ERBB4: variants seen among roughly 807,000 people sequenced by gnomAD.
ERBB4 encodes erb-b2 receptor tyrosine kinase 4.
In ERBB4, 42 loss-of-function variants were observed where a neutral mutation model predicts 158.0. The ratio of observed to expected loss-of-function variants is 0.27; its 90% CI spans 0.21 to 0.34. The LOEUF is 0.34. Ranked by LOEUF, ERBB4 falls within the 10% of genes least tolerant of loss-of-function variation. The pLI is 1.00. For missense variants in ERBB4, 1,333 were observed against 1,624.1 expected (o/e 0.82, Z 3.08); for synonymous variants, 583 against 558.7 (o/e 1.04, Z -0.61).
intron 3 of ERBB4, among the ~76,000 whole-genome samples, chr2:211,874,045 G>A (rs2078429050): frequency 6.6e-6 from 1 of 152,010 alleles, no homozygotes; most frequent in East Asian, 1.9e-4. Flanking sequence ...TGCACCTGTA[G>A]TCCCAGCTAC....
At chr2:212,397,298 A>G (rs1009091647) in intron 1 of ERBB4, among the ~76,000 whole-genome samples, 2 of 152,008 alleles carry the variant, frequency 1.3e-5, no homozygotes, top group African/African-American at 4.8e-5. Context: ...AACATGGTGA[A>G]ACCCACTCTC....
At position 211,448,164 on chromosome 2, in the gene ERBB4, G is replaced by C. The variant is rs1439808165; in HGVS notation, c.2488-17064C>G. Among the ~76,000 whole-genome samples, 6 of 151,978 alleles carry C rather than the reference G, an allele frequency of 3.9e-5. No homozygotes were observed. In the East Asian group the frequency reaches 1.2e-3, roughly 29 times the overall value. On this transcript the variant is annotated intron_variant, in intron 20 of 27. Coordinates refer to ENST00000342788, the MANE Select transcript of ERBB4 (RefSeq NM_005235.3). Reference sequence around the variant, plus strand: ...ATTTTTATATTTTTTGTAGAGACAGGGTTTCTCCACGTTGGCCAGACTAGT... The same window carrying C: ...ATTTTTATATTTTTTGTAGAGACAGCGTTTCTCCACGTTGGCCAGACTAGT...
chr2:212,019,065 G>A (rs754917429), intron 2 of ERBB4, among the ~76,000 whole-genome samples: 18 of 152,052 alleles, frequency 1.2e-4, no homozygotes, highest in Admixed American at 8.5e-4. Flanking sequence ...AAGAAGCCTG[G>A]TTGATGTAGT....
intron 1 of ERBB4, among the ~76,000 whole-genome samples, chr2:212,153,244 A>C (rs2080927598): frequency 6.6e-6 from 1 of 152,190 alleles, no homozygotes; most frequent in African/African-American, 2.4e-5. Context: ...TTTCTCATCC[A>C]GGTTCCCTGT....
intron 12 of ERBB4, among the ~76,000 whole-genome samples, chr2:211,684,491 A>C (rs2072484081): frequency 6.6e-6 from 1 of 152,092 alleles, no homozygotes; most frequent in Non-Finnish European, 1.5e-5. Context: ...AAAGAAGAAA[A>C]GAAAAGAAAC....
intron 1 of ERBB4, among the ~76,000 whole-genome samples, chr2:212,455,040 A>T: frequency 6.6e-6 from 1 of 152,208 alleles, no homozygotes; most frequent in Non-Finnish European, 1.5e-5. Context: ...AATTTGATCC[A>T]AATCAAATAG....
At chr2:211,632,386 T>C (rs2070176235) in intron 16 of ERBB4, among the ~76,000 whole-genome samples, 1 of 152,082 alleles carries the variant, frequency 6.6e-6, no homozygotes, top group Non-Finnish European at 1.5e-5. Context: ...AAGTCACTGT[T>C]ATTGAAAGGG....
intron 1 of ERBB4, among the ~76,000 whole-genome samples, chr2:212,329,308 T>C (rs1013378860): frequency 6.6e-6 from 1 of 152,062 alleles, no homozygotes. Flanking sequence ...ATGTCATTTA[T>C]AGGATTTTCT....
chr2:211,811,990 A>G (rs890974064), intron 3 of ERBB4, among the ~76,000 whole-genome samples: 1 of 151,962 alleles, frequency 6.6e-6, no homozygotes, highest in East Asian at 1.9e-4. Context: ...TAGCATGGAG[A>G]AGTTTGTTAT....
intron 2 of ERBB4, among the ~76,000 whole-genome samples, chr2:212,009,472 A>G (rs2125302295): frequency 6.6e-6 from 1 of 151,916 alleles, no homozygotes. Context: ...AAGAAGCAAC[A>G]CTTTGATTTT....
At chr2:211,919,021 G>A (rs1004698484) in intron 3 of ERBB4, among the ~76,000 whole-genome samples, 13 of 151,908 alleles carry the variant, frequency 8.6e-5, no homozygotes, top group Admixed American at 2.6e-4. Context: ...TCTGGACACC[G>A]TTATTATCCT....
intron 6 of ERBB4, among the ~76,000 whole-genome samples, chr2:211,724,493 G>A (rs1008057006): frequency 2.0e-5 from 3 of 150,640 alleles, no homozygotes; most frequent in African/African-American, 7.3e-5. Context: ...TGGTGTTCTC[G>A]GTATATGAAA....
At chr2:211,856,926 G>T in intron 3 of ERBB4, among the ~76,000 whole-genome samples, 1 of 152,068 alleles carries the variant, frequency 6.6e-6, no homozygotes, top group Non-Finnish European at 1.5e-5. Context: ...AACAGATTTA[G>T]ATCTTTAGTA....
intron 1 of ERBB4, among the ~76,000 whole-genome samples, chr2:212,244,339 C>G (rs1385254130): frequency 6.6e-6 from 1 of 152,092 alleles, no homozygotes; most frequent in Admixed American, 6.6e-5. Context: ...TAGTTTTACT[C>G]TAGAATTTGA....
At chr2:212,445,487 C>T (rs948817429) in intron 1 of ERBB4, among the ~76,000 whole-genome samples, 1 of 152,140 alleles carries the variant, frequency 6.6e-6, no homozygotes, top group South Asian at 2.1e-4. Context: ...GCCACCTAGA[C>T]ACTTTAGGAT....
At chr2:212,444,436 G>A (rs2092311419) in intron 1 of ERBB4, among the ~76,000 whole-genome samples, 1 of 152,186 alleles carries the variant, frequency 6.6e-6, no homozygotes, top group African/African-American at 2.4e-5. Flanking sequence ...CTTAGACAAA[G>A]CATGATTAGA....
intron 2 of ERBB4, among the ~76,000 whole-genome samples, chr2:212,100,897 C>A (rs2079063593): frequency 6.6e-6 from 1 of 152,098 alleles, no homozygotes; most frequent in Non-Finnish European, 1.5e-5. Flanking sequence ...TCAAGAGATT[C>A]TGGTTTTTGT....
chr2:212,462,842 G>A (rs971048062), intron 1 of ERBB4, among the ~76,000 whole-genome samples: 1 of 151,946 alleles, frequency 6.6e-6, no homozygotes, highest in African/African-American at 2.4e-5. Context: ...GCCAAGATGT[G>A]GAATCAAACT....
chr2:212,323,937 C>T (rs2087693287), intron 1 of ERBB4, among the ~76,000 whole-genome samples: 1 of 150,518 alleles, frequency 6.6e-6, no homozygotes, highest in Non-Finnish European at 1.5e-5. Flanking sequence ...AGTCCGGAGC[C>T]ATGCCCACCA....
Sources: allele counts gnomAD v4.1 joint callset (sites outside exome capture counted in the v4.1 genomes callset), GRCh38; gene constraint gnomAD v4.1.1; transcripts MANE v1.5; gene names NCBI Gene and HGNC (gene_info 2026-07-23, HGNC 2026-07-21).